Variants in BRCA1 observed in about 807,000 individuals in gnomAD.
The protein encoded by BRCA1 is BRCA1 DNA repair associated.
A neutral mutation model predicts 173.7 loss-of-function variants in BRCA1; 140 were observed. The ratio of observed to expected loss-of-function variants is 0.81; its 90% confidence interval spans 0.70 to 0.93. The LOEUF (loss-of-function observed/expected upper bound fraction) is 0.93, where lower values mean the gene tolerates loss of function less well. Among genes scored for constraint, BRCA1 ranks in the 40% least tolerant of loss-of-function variants. The probability of loss-of-function intolerance (pLI) is 0.00; values close to 1 mark genes in which losing one functional copy is unlikely to be tolerated. For synonymous variants in BRCA1, 662 were observed against 756.0 expected, an observed-to-expected ratio of 0.88 and a Z score of 2.04; for missense variants, 1,983 against 2,172.5, an observed-to-expected ratio of 0.91 and a Z score of 1.73.
At chr17:43,119,245 C>G (rs909214793) in intron 2 of BRCA1, 3 of 210,030 alleles carry the variant, frequency 1.4e-5, no homozygotes, top group Non-Finnish European at 2.9e-5. Context: ...GGCGGGCCAG[C>G]CTGGGTGACA....
chr17:43,046,972 G>A (rs1488506165), intron 22 of BRCA1, among the ~76,000 whole-genome samples: 1 of 152,040 alleles, frequency 6.6e-6, no homozygotes, highest in Non-Finnish European at 1.5e-5. Flanking sequence ...GCAAAACAGT[G>A]TAATTATGAT....
chr17:43,149,460 C>A (rs966069644), intron 1 of BRCA1, among the ~76,000 whole-genome samples: 1 of 150,912 alleles, frequency 6.6e-6, no homozygotes, highest in Non-Finnish European at 1.5e-5. Flanking sequence ...GTCTCGAACA[C>A]CTGACATCAA....
At chr17:43,109,372 A>C (rs1261590280) in intron 3 of BRCA1, among the ~76,000 whole-genome samples, 1 of 152,182 alleles carries the variant, frequency 6.6e-6, no homozygotes, top group Non-Finnish European at 1.5e-5. Flanking sequence ...TATTGGATCC[A>C]GAATTGGATT....
At chr17:43,065,641 TG>T (rs1265572143) in intron 16 of BRCA1, among the ~76,000 whole-genome samples, 2 of 152,132 alleles carry the variant, frequency 1.3e-5, no homozygotes, top group Non-Finnish European at 2.9e-5. Flanking sequence ...TCCAGCAGCC[TG>T]GGCAACAAGA....
chr17:43,100,594 A>AACATATATG (rs1567807154), intron 6 of BRCA1, among the ~76,000 whole-genome samples: 1 of 20,710 alleles, frequency 4.8e-5, no homozygotes, highest in African/African-American at 8.6e-5. Context: ...ACATATATAT[A>AACATATATG]TTATATATAT....
intron 20 of BRCA1, among the ~76,000 whole-genome samples, chr17:43,050,800 T>A (rs549870405): frequency 1.3e-5 from 2 of 152,306 alleles, no homozygotes; most frequent in East Asian, 3.9e-4. Context: ...TAACAGCAGC[T>A]CAACGCCATC....
intron 1 of BRCA1, among the ~76,000 whole-genome samples, chr17:43,157,803 C>T (rs2056207135): frequency 6.6e-6 from 1 of 151,902 alleles, no homozygotes; most frequent in Non-Finnish European, 1.5e-5. Flanking sequence ...TTGAGACCAG[C>T]CTGATCAACA....
rs73321445 is a variant in BRCA1 at position 43,119,034 on chromosome 17, G to A, written c.81-3255C>T. Reference sequence around the variant, plus strand: ...ATCTGCCTCGACCGGGATTACAGGCGTGAGCCACTACACTTAGCTCTAAAT... The same window carrying A: ...ATCTGCCTCGACCGGGATTACAGGCATGAGCCACTACACTTAGCTCTAAAT... On this transcript the variant is annotated intron_variant, in intron 2 of 22. Coordinates refer to ENST00000357654, the MANE Select transcript of BRCA1 (RefSeq NM_007294.4). The A allele has an allele frequency of 0.011, 2,432 of 216,752 alleles. 51 individuals are homozygous for A. The highest frequency in any genetic ancestry group is 0.051 in the African/African-American group (2,273 of 44,474). The allele number at this position is 216,752 out of a possible 1,614,324, so 13.4% of individuals were successfully genotyped here. A position where few individuals can be genotyped will look rare whatever the true frequency, so the allele number is the denominator to read the frequency against.
chr17:43,057,167 A>G (rs750396716), intron 18 of BRCA1, 32 bp from the exon 19 acceptor site: 1 of 1,601,072 alleles, frequency 6.2e-7, no homozygotes, highest in Non-Finnish European at 8.6e-7. Context: ...CCATCAGGAT[A>G]AGAGAAAGAG....
upstream of BRCA1, among the ~76,000 whole-genome samples, chr17:43,127,418 A>G (rs1365567807): frequency 6.6e-6 from 1 of 152,130 alleles, no homozygotes; most frequent in Admixed American, 6.5e-5. Context: ...GTGTCTAGCT[A>G]AAGGATTGTA....
rs1555575750 is a variant in BRCA1, at chr17:43,051,135, G to C, written c.5278-18C>G. 1 of 1,610,654 alleles carries C rather than the reference G, an allele frequency of 6.2e-7. No homozygotes were observed. Among genetic ancestry groups the C allele is most frequent in the Non-Finnish European group, 8.5e-7 (1 of 1,176,974 alleles). ...CTGAAGATCTGGAAGAAGAGAGGAA[G>C]AGAGAGGGACAGGGGAATGGAGAGA... On this transcript the variant is annotated intron_variant, in intron 19 of 22. Transcript: ENST00000357654.
In BRCA1 at chr17:43,048,617, C is replaced by T. The variant is rs191994609; in HGVS notation, c.5406+504G>A. On this transcript the variant is annotated intron_variant, in intron 21 of 22. Coordinates refer to ENST00000357654, the MANE Select transcript of BRCA1 (RefSeq NM_007294.4). Reference sequence around the variant, plus strand: ...GCAACCTCTGCCTCCCACGTTCAAGCGATGCTCACACCTCAACTTCCCAAA... The same window carrying T: ...GCAACCTCTGCCTCCCACGTTCAAGTGATGCTCACACCTCAACTTCCCAAA... Among the ~76,000 whole-genome samples, 10 of 151,742 alleles carry T rather than the reference C, an allele frequency of 6.6e-5. No individual in the cohort carries two copies. In the East Asian group the frequency reaches 9.7e-4, roughly 15 times the overall value.
At chr17:43,072,576 T>C (rs1479242137) in intron 14 of BRCA1, among the ~76,000 whole-genome samples, 6 of 151,108 alleles carry the variant, frequency 4.0e-5, no homozygotes, top group African/African-American at 1.2e-4. Flanking sequence ...GATTTTTTTT[T>C]TTTTTGAGAT....
rs2154289245 is a variant in BRCA1, at chr17:43,091,766, G to C, written c.3765C>G (p.Asn1255Lys). 2 of 1,614,082 alleles carry C rather than the reference G, an allele frequency of 1.2e-6. No individual in the cohort carries two copies. Among genetic ancestry groups the C allele is most frequent in the Non-Finnish European group, 1.7e-6 (2 of 1,179,932 alleles). Residue 1255 changes from asparagine (N) to lysine (K), a missense_variant, in exon 10 of 23, where the codon AAC becomes AAG. Coordinates refer to ENST00000357654, the MANE Select transcript of BRCA1 (RefSeq NM_007294.4). ...TCAATGATAATAAATTCTCCTCTGT[G>C]TTCTTAGACAGACACTCGGTAGCAA... ...STVATECLSK[N>K]TEENLLSLKN...
At chr17:43,145,532 T>C (rs1316285646) in intron 1 of BRCA1, among the ~76,000 whole-genome samples, 1 of 152,108 alleles carries the variant, frequency 6.6e-6, no homozygotes, top group African/African-American at 2.4e-5. Flanking sequence ...TTCACCGCAT[T>C]AGCCAGGATG....
At position 43,082,422 on chromosome 17, in the gene BRCA1, G is replaced by T. The variant is rs80357067; in HGVS notation, c.4339C>A (p.Gln1447Lys). The T allele has an allele frequency of 1.9e-6, 3 of 1,614,004 alleles. No individual in the cohort carries two copies. Among genetic ancestry groups the T allele is most frequent in the East Asian group, 2.2e-5 (1 of 44,886 alleles). The change falls in exon 12 of 23, where the codon CAA (glutamine) becomes AAA (lysine). Residue 1447 changes from glutamine (Q) to lysine (K), a missense_variant. Gln to Lys is a moderately conservative substitution (Grantham distance 53, BLOSUM62 1). Coordinates refer to ENST00000357654, the MANE Select transcript of BRCA1 (RefSeq NM_007294.4). ...SALEDLRNPEQSTSEKAVLTS... is the reference protein window; with the variant it reads ...SALEDLRNPEKSTSEKAVLTS... ...TACACACCTTTTTCTGATGTGCTTT[G>T]TTCTGGATTTCGCAGGTCCTCAAGG... is the stretch of plus-strand genomic sequence containing the variant.
rs1354176978 is a variant in BRCA1 at position 43,049,465 on chromosome 17, A to G, written c.5333-271T>C. On this transcript the variant is annotated intron_variant, in intron 20 of 22. Transcript: ENST00000357654. The stretch of plus-strand genomic sequence containing the variant: ...CTCTCAAATAAAATGCTTGAAAGAA[A>G]AAAAAATCAAAGATCTAATTTCCAT... Among the ~76,000 whole-genome samples, 23 of 152,240 alleles carry G rather than the reference A, an allele frequency of 1.5e-4. No homozygotes were observed. The highest frequency in any genetic ancestry group is 3.4e-4 in the Non-Finnish European group (23 of 68,040).
chr17:43,076,364 T>G (rs1275317841), intron 13 of BRCA1, 124 bp downstream of exon 13: 12 of 1,173,654 alleles, frequency 1.0e-5, no homozygotes, highest in Non-Finnish European at 1.1e-5. Context: ...CCTAGAGCAA[T>G]AAAAGTGTAT....
chr17:43,050,100 T>G, intron 20 of BRCA1: 1 of 398,654 alleles, frequency 2.5e-6, no homozygotes, highest in East Asian at 3.6e-5. Context: ...CATCTGCCTG[T>G]GACCAGATGC....
Sources: allele counts gnomAD v4.1 joint callset (sites outside exome capture counted in the v4.1 genomes callset), GRCh38; gene constraint gnomAD v4.1.1; transcripts MANE v1.5; gene names NCBI Gene and HGNC (gene_info 2026-07-23, HGNC 2026-07-21).